Variants in IQCB1 observed in about 807,000 individuals in gnomAD.
IQCB1 encodes IQ motif containing B1.
Under a neutral mutation model 84.4 loss-of-function variants are expected in IQCB1, and 56 were observed. The ratio of observed to expected loss-of-function variants is 0.66; its 90% CI spans 0.54 to 0.83. The LOEUF (loss-of-function observed/expected upper bound fraction) is 0.83. Ranked by LOEUF, IQCB1 falls within the 40% of genes least tolerant of loss-of-function variation. IQCB1 has a pLI of 0.00. For missense variants in IQCB1, 629 were observed against 682.1 expected, an observed-to-expected ratio of 0.92 and a Z score of 0.87; for synonymous variants, 210 against 234.8, an observed-to-expected ratio of 0.89 and a Z score of 0.96.
At chr3:121,814,437 T>C (rs376070938) in intron 5 of IQCB1, among the ~76,000 whole-genome samples, 1 of 151,680 alleles carries the variant, frequency 6.6e-6, no homozygotes, top group Non-Finnish European at 1.5e-5. Context: ...CTGAAGGAGA[T>C]AGAGACACGA....
At chr3:121,792,502 T>A (rs11708697) in intron 10 of IQCB1, among the ~76,000 whole-genome samples, 83,619 of 134,312 alleles carry the variant, frequency 0.62, 26,550 homozygotes, top group African/African-American at 0.69. Context: ...TACTAAAAAA[T>A]AACAAAAAAA....
At position 121,772,106 on chromosome 3, in the gene IQCB1, C is replaced by T. The variant is rs568798231; in HGVS notation, c.1567+451G>A. Reference sequence around the variant, plus strand: ...AGGAGAATCGCTTGAACGTGGGAGGCGGAGGTTGCAGTGAGCCAAGATCAC... The same window carrying T: ...AGGAGAATCGCTTGAACGTGGGAGGTGGAGGTTGCAGTGAGCCAAGATCAC... On this transcript the variant is annotated intron_variant, in intron 14 of 14. Transcript: ENST00000310864. Among the ~76,000 whole-genome samples, 117 of 152,034 alleles carry T rather than the reference C, an allele frequency of 7.7e-4. 1 individual carries two copies. Among genetic ancestry groups the T allele is most frequent in the African/African-American group, 1.7e-3 (71 of 41,450 alleles).
intron 10 of IQCB1, among the ~76,000 whole-genome samples, chr3:121,792,648 C>A (rs1192326393): frequency 5.9e-5 from 6 of 101,400 alleles, no homozygotes; most frequent in South Asian, 3.3e-4. Context: ...GGCCACAGAG[C>A]AAGACTCCGT....
intron 5 of IQCB1, among the ~76,000 whole-genome samples, chr3:121,812,098 G>C (rs950582003): frequency 2.0e-5 from 3 of 152,204 alleles, no homozygotes; most frequent in African/African-American, 7.2e-5. Context: ...AATATTTGCT[G>C]TTCTACAGCC....
At chr3:121,831,055 C>T (rs1328078890) in intron 2 of IQCB1, among the ~76,000 whole-genome samples, 1 of 152,216 alleles carries the variant, frequency 6.6e-6, no homozygotes, top group East Asian at 1.9e-4. Flanking sequence ...CAAAGAGCTA[C>T]TGGATAGCTG....
chr3:121,823,855 TTAAAG>T (rs1950358598), intron 5 of IQCB1, among the ~76,000 whole-genome samples: 2 of 152,114 alleles, frequency 1.3e-5, no homozygotes. Context: ...AATACACTAT[TTAAAG>T]TAAAAATAAC....
At chr3:121,773,969 C>G (rs1212464965) in intron 13 of IQCB1, among the ~76,000 whole-genome samples, 2 of 151,800 alleles carry the variant, frequency 1.3e-5, no homozygotes, top group African/African-American at 4.8e-5. Context: ...AGAAAGTTAA[C>G]TGGCAGTCCA....
chr3:121,818,589 A>G (rs928218012), intron 5 of IQCB1, among the ~76,000 whole-genome samples: 1 of 152,236 alleles, frequency 6.6e-6, no homozygotes, highest in African/African-American at 2.4e-5. Context: ...GATAGAGCCC[A>G]AAGGAGAGAG....
chr3:121,783,367 T>C (rs1470485151), intron 12 of IQCB1, among the ~76,000 whole-genome samples: 1 of 152,198 alleles, frequency 6.6e-6, no homozygotes, highest in East Asian at 1.9e-4. Flanking sequence ...TTAGCTATCT[T>C]TCACTGTTTC....
At chr3:121,802,597 T>C (rs1949445082) in intron 7 of IQCB1, among the ~76,000 whole-genome samples, 1 of 152,130 alleles carries the variant, frequency 6.6e-6, no homozygotes, top group African/African-American at 2.4e-5. Flanking sequence ...TCAAAAAACT[T>C]CAATCTTCCC....
rs533373949 is a variant in IQCB1, at chr3:121,773,678, C to A, written c.1411-965G>T. Among the ~76,000 whole-genome samples the A allele has an allele frequency of 2.0e-5, 3 of 152,112 alleles. No individual in the cohort carries two copies. The South Asian group carries it at 6.2e-4, about 32-fold the overall frequency. On this transcript the variant is annotated intron_variant, in intron 13 of 14. Coordinates refer to ENST00000310864, the MANE Select transcript of IQCB1 (RefSeq NM_001023570.4). ...TCAGCCACAGGATCTTAAACAGCTG[C>A]ACTAGAGTATGGCTAAAGAAGCACT...
chr3:121,782,221 G>A (rs1486040591), intron 12 of IQCB1, among the ~76,000 whole-genome samples: 1 of 152,158 alleles, frequency 6.6e-6, no homozygotes, highest in Non-Finnish European at 1.5e-5. Flanking sequence ...TAGAAAAAAG[G>A]GTTCTTAATT....
Position 121,825,034 on chromosome 3 carries a change from T to G in IQCB1, c.393+1017A>C, listed in dbSNP as rs201386916. ...ACGAGTTTCAGTTAAGATGGAACTG[T>G]GCAAAACAAAGGTTTCTTTTTCTTT... On this transcript the variant is annotated intron_variant, in intron 5 of 14. Coordinates refer to ENST00000310864, the MANE Select transcript of IQCB1 (RefSeq NM_001023570.4). 2.6e-5 allele frequency among the ~76,000 whole-genome samples: 4 copies of G among 151,740 alleles called. No homozygotes were observed. The East Asian group carries it at 7.7e-4, about 29-fold the overall frequency.
chr3:121,785,412 G>A (rs1224261736), intron 12 of IQCB1, among the ~76,000 whole-genome samples: 5 of 151,918 alleles, frequency 3.3e-5, no homozygotes, highest in Non-Finnish European at 5.9e-5. Context: ...ATGCTACCAC[G>A]CCTGGCTAAT....
intron 2 of IQCB1, among the ~76,000 whole-genome samples, chr3:121,833,766 A>T (rs1424665998): frequency 6.6e-6 from 1 of 152,226 alleles, no homozygotes; most frequent in East Asian, 1.9e-4. Flanking sequence ...TTCTTGCTGT[A>T]AACAAAATAG....
rs761343018 is a variant in IQCB1, at chr3:121,788,407, T to C, written c.1155A>G (p.Glu385=). The part of the protein sequence containing the change: ...HPGQVEKHYR[E]MEEKSALIIQ... Reference sequence around the variant, plus strand: ...TAATCAGTGCTGATTTCTCTTCCATTTCCCGATAGTGTTTCTCCACCTGAC... The same window carrying C: ...TAATCAGTGCTGATTTCTCTTCCATCTCCCGATAGTGTTTCTCCACCTGAC... The change falls in exon 12 of 15, where the codon GAA becomes GAG. Residue 385 remains glutamate, a synonymous_variant. Coordinates refer to ENST00000310864, the MANE Select transcript of IQCB1 (RefSeq NM_001023570.4). 6.2e-7 allele frequency: 1 copy of C among 1,613,868 alleles called. No homozygotes were observed. The highest frequency in any genetic ancestry group is 1.3e-5 in the African/African-American group (1 of 75,062).
At position 121,798,979 on chromosome 3, in the gene IQCB1, C is replaced by T. The variant is rs748666596; in HGVS notation, c.766+217G>A. Among the ~76,000 whole-genome samples the T allele has an allele frequency of 3.8e-4, 57 of 151,810 alleles. 1 individual carries two copies. The highest frequency in any genetic ancestry group is 7.4e-4 in the Non-Finnish European group (50 of 67,744). ...AGAGGGAGTAAATATTTATGGCAAC[C>T]TGATCAGAAAAGTATCTTCCACATG... On this transcript the variant is annotated intron_variant, in intron 8 of 14. Coordinates refer to ENST00000310864, the MANE Select transcript of IQCB1 (RefSeq NM_001023570.4).
At chr3:121,833,009 GT>G (rs1414960687) in intron 2 of IQCB1, among the ~76,000 whole-genome samples, 4 of 152,124 alleles carry the variant, frequency 2.6e-5, no homozygotes, top group African/African-American at 4.8e-5. Context: ...AATTTAATCT[GT>G]TTGTCTATTC....
In IQCB1 at chr3:121,795,541, A is replaced by G; in HGVS notation, c.902T>C (p.Ile301Thr). 6.2e-7 allele frequency: 1 copy of G among 1,601,912 alleles called. No individual in the cohort carries two copies. Among genetic ancestry groups the G allele is most frequent in the Non-Finnish European group, 8.6e-7 (1 of 1,169,104 alleles). The change falls in exon 10 of 15, where the codon ATT (isoleucine) becomes ACT (threonine). Residue 301 changes from isoleucine (I) to threonine (T), a missense_variant. By Grantham distance (89) the Ile-to-Thr change is moderately conservative (BLOSUM62 -1). Coordinates refer to ENST00000310864, the MANE Select transcript of IQCB1 (RefSeq NM_001023570.4). ...CTGAAAACCCTTCCAATAGGCTTGA[A>G]TCAAGCATGCTGCTTGATGTAGTTT... is the stretch of plus-strand genomic sequence containing the variant. ...EQKLHQAACL[I>T]QAYWKGFQTR...
Sources: gnomAD v4.1 joint callset for allele counts (sites outside exome capture counted in the v4.1 genomes callset) on GRCh38, gnomAD v4.1.1 for gene constraint, MANE v1.5 for transcripts, NCBI Gene and HGNC (gene_info 2026-07-23, HGNC 2026-07-21) for gene names.